Variants in CASD1 observed in about 807,000 individuals in gnomAD.
CASD1 encodes the protein CAS1 domain sialic acid O acetyltransferase 1.
In CASD1, 41 loss-of-function variants were observed where a neutral mutation model predicts 100.0. That is an observed-to-expected ratio of 0.41 (90% CI 0.32 to 0.53). CASD1 has a LOEUF of 0.53. Among genes scored for constraint, CASD1 ranks in the 20% least tolerant of loss-of-function variants. CASD1 has a pLI of 0.25. For missense variants in CASD1, 774 were observed against 948.7 expected (o/e 0.82, Z 2.42); for synonymous variants, 321 against 315.6 (o/e 1.02, Z -0.18).
At chr7:94,557,385 A>G (rs1796244119), downstream of CASD1, among the ~76,000 whole-genome samples, 1 of 152,064 alleles carries the variant, frequency 6.6e-6, no homozygotes, top group Non-Finnish European at 1.5e-5. Context: ...GACAATTGTA[A>G]TGATTCATTG....
intron 3 of CASD1, among the ~76,000 whole-genome samples, chr7:94,526,056 C>T (rs1217328259): frequency 6.6e-6 from 1 of 152,142 alleles, no homozygotes; most frequent in Non-Finnish European, 1.5e-5. Flanking sequence ...TATTTATATA[C>T]TGTTTTCAAA....
At chr7:94,528,009 G>T (rs1052732036) in intron 4 of CASD1, among the ~76,000 whole-genome samples, 179 bp from the exon 5 acceptor site, 1 of 152,218 alleles carries the variant, frequency 6.6e-6, no homozygotes, top group Non-Finnish European at 1.5e-5. Context: ...GAAGACAAAA[G>T]TGGATTCAAG....
intron 11 of CASD1, among the ~76,000 whole-genome samples, 175 bp from the exon 12 acceptor site, chr7:94,545,370 T>C (rs1015238247): frequency 2.0e-5 from 3 of 152,118 alleles, no homozygotes; most frequent in Non-Finnish European, 1.5e-5. Context: ...TTCAGCTCTT[T>C]ACAGTGAATG....
At position 94,533,747 on chromosome 7, in the gene CASD1, A is replaced by T. The variant is rs1170271106; in HGVS notation, c.573A>T (p.Ile191=). The part of the protein sequence containing the change: ...LSQYKMNITS[I]APLLEKLAKT... ...AATATAAAATGAACATCACCTCCAT[A>T]GCACCACTTTTAGAAAAATTGGCAA... The change falls in exon 7 of 18, where the codon ATA becomes ATT. Residue 191 remains isoleucine, a synonymous_variant. Coordinates refer to ENST00000297273, the MANE Select transcript of CASD1 (RefSeq NM_022900.5). 6.2e-7 allele frequency: 1 copy of T among 1,605,198 alleles called. No homozygotes were observed. Among genetic ancestry groups the T allele is most frequent in the East Asian group, 2.3e-5 (1 of 44,260 alleles).
intron 8 of CASD1, among the ~76,000 whole-genome samples, chr7:94,536,913 G>A (rs10228210): frequency 0.53 from 80,320 of 151,962 alleles, 22,003 homozygotes; most frequent in South Asian, 0.73. Flanking sequence ...CCTATAAACT[G>A]TAATCCAAAT....
the CASD1 span, among the ~76,000 whole-genome samples, chr7:94,609,330 C>T: frequency 2.0e-5 from 3 of 152,234 alleles, no homozygotes; most frequent in Non-Finnish European, 4.4e-5. Flanking sequence ...AGTTTGAGAC[C>T]AGCCTCGCCA....
chr7:94,601,476 A>AAAAAC, the CASD1 span, among the ~76,000 whole-genome samples: 5 of 135,030 alleles, frequency 3.7e-5, no homozygotes, highest in Non-Finnish European at 6.4e-5. Flanking sequence ...AAAAAAAAAA[A>AAAAAC]CTACAACAGT....
the CASD1 span, chr7:94,588,192 G>C: frequency 9.3e-7 from 1 of 1,071,778 alleles, no homozygotes; most frequent in Non-Finnish European, 1.1e-6. Context: ...AGAATTGTCC[G>C]CCATCTTGTT....
downstream of CASD1, among the ~76,000 whole-genome samples, chr7:94,558,343 T>G (rs186192249): frequency 1.5e-4 from 23 of 152,320 alleles, no homozygotes; most frequent in Admixed American, 2.6e-4. Context: ...TGCAGACAAT[T>G]CAGTGTTTTG....
chr7:94,572,572 GTTGT>G, the CASD1 span, among the ~76,000 whole-genome samples: 4 of 152,160 alleles, frequency 2.6e-5, no homozygotes, highest in Admixed American at 6.5e-5. Context: ...TTTTAATGGG[GTTGT>G]TTGTTTTTCT....
the CASD1 span, chr7:94,627,997 A>G: frequency 1.9e-6 from 1 of 524,022 alleles, no homozygotes; most frequent in Non-Finnish European, 3.4e-6. Flanking sequence ...GTCATTTTTA[A>G]TATAAAAGCT....
chr7:94,618,787 C>T, the CASD1 span: 1 of 1,613,994 alleles, frequency 6.2e-7, no homozygotes, highest in South Asian at 1.1e-5. Context: ...TGGGAAGTGG[C>T]ACCCTGCCAC....
At chr7:94,621,149 C>A in the CASD1 span, 1 of 152,314 alleles carries the variant, frequency 6.6e-6, no homozygotes, top group South Asian at 2.1e-4. Context: ...TTTGTTATTT[C>A]TTTTCCTAAA....
the CASD1 span, among the ~76,000 whole-genome samples, chr7:94,614,146 A>G: frequency 6.7e-6 from 1 of 150,000 alleles, no homozygotes; most frequent in Non-Finnish European, 1.5e-5. Flanking sequence ...TAAATGTCAT[A>G]GTTCTCATCA....
intron 3 of CASD1, chr7:94,524,245 A>T (rs1794431022): frequency 6.6e-6 from 1 of 152,132 alleles, no homozygotes; most frequent in African/African-American, 2.4e-5. Context: ...ATACCTTAAG[A>T]TAAAGAGTAT....
the CASD1 span, among the ~76,000 whole-genome samples, chr7:94,613,780 G>T: frequency 1.3e-5 from 2 of 152,080 alleles, no homozygotes; most frequent in African/African-American, 4.8e-5. Context: ...GAAGATAAAA[G>T]ACAGTTTAGA....
the CASD1 span, among the ~76,000 whole-genome samples, chr7:94,578,957 T>A: frequency 6.6e-6 from 1 of 152,170 alleles, no homozygotes; most frequent in Non-Finnish European, 1.5e-5. Flanking sequence ...TAGCTTCCTT[T>A]CCTCATTCTC....
At chr7:94,549,834 G>T (rs917811065) in intron 14 of CASD1, among the ~76,000 whole-genome samples, 200 bp downstream of exon 14, 2 of 152,054 alleles carry the variant, frequency 1.3e-5, no homozygotes, top group East Asian at 3.9e-4. Context: ...ATATATATCT[G>T]CTGGGAAATA....
chr7:94,547,789 A>G (rs1795751444), intron 13 of CASD1, among the ~76,000 whole-genome samples: 1 of 151,860 alleles, frequency 6.6e-6, no homozygotes, highest in Admixed American at 6.6e-5. Flanking sequence ...CATGATATTT[A>G]TAACAACACA....
Sources: gnomAD v4.1 joint callset for allele counts (sites outside exome capture counted in the v4.1 genomes callset) on GRCh38, gnomAD v4.1.1 for gene constraint, MANE v1.5 for transcripts, NCBI Gene and HGNC (gene_info 2026-07-23, HGNC 2026-07-21) for gene names.